The following RIMKLB variants were observed in gnomAD, a reference collection of about 807,000 sequenced individuals.
RIMKLB encodes beta-citrylglutamate synthase B.
Under a neutral mutation model 32.0 loss-of-function variants are expected in RIMKLB, and 7 were observed. The ratio of observed to expected loss-of-function variants is 0.22; its 90% CI spans 0.12 to 0.41. The LOEUF is 0.41. RIMKLB is among the 10% of genes least tolerant of loss of function. The pLI is 1.00. For synonymous variants in RIMKLB, 172 were observed against 185.1 expected, an observed-to-expected ratio of 0.93 and a Z score of 0.57; for missense variants, 289 against 498.7, an observed-to-expected ratio of 0.58 and a Z score of 4.00.
intron 1 of RIMKLB, among the ~76,000 whole-genome samples, chr12:8,702,688 C>T (rs1015902477): frequency 1.3e-5 from 2 of 152,138 alleles, no homozygotes; most frequent in African/African-American, 4.8e-5. Context: ...GCAGGGTTGC[C>T]CAAATAGCAA....
chr12:8,702,430 CAA>C (rs1285202835), intron 1 of RIMKLB, among the ~76,000 whole-genome samples: 1 of 152,196 alleles, frequency 6.6e-6, no homozygotes, highest in Non-Finnish European at 1.5e-5. Context: ...CAAGTTGTGA[CAA>C]AACAGATTCA....
chr12:8,776,088 G>GGTATAGAGA lies in RIMKLB; in HGVS notation c.*2304_*2305insGTATAGAGA. 1.0e-6 allele frequency: 1 copy of GGTATAGAGA among 984,602 alleles called. No homozygotes were observed. Among genetic ancestry groups the GGTATAGAGA allele is most frequent in the Non-Finnish European group, 1.2e-6 (1 of 829,184 alleles). The allele number at this position is 984,602 out of a possible 1,614,324, so 61.0% of individuals were successfully genotyped here. On this transcript the variant is annotated 3_prime_UTR_variant, in exon 6 of 6. Coordinates refer to ENST00000535829, the MANE Select transcript of RIMKLB (RefSeq NM_001297776.2). ...ATGTGTATTATGACACATACACTTTGAATAGTTACATATCACAAGTATGTA... is the reference window on the plus strand; with the variant it reads ...ATGTGTATTATGACACATACACTTTGGTATAGAGAAATAGTTACATATCACAAGTATGTA...
intron 2 of RIMKLB, among the ~76,000 whole-genome samples, chr12:8,733,773 C>T (rs1340533655): frequency 6.6e-6 from 1 of 152,160 alleles, no homozygotes; most frequent in Non-Finnish European, 1.5e-5. Flanking sequence ...GTCCTAGCTA[C>T]TCGGAGAGGC....
intron 5 of RIMKLB, among the ~76,000 whole-genome samples, chr12:8,768,126 C>T (rs920202038): frequency 3.3e-5 from 5 of 152,154 alleles, no homozygotes; most frequent in African/African-American, 1.2e-4. Flanking sequence ...TATTAGAAGC[C>T]ATGGGTCACG....
intron 3 of RIMKLB, among the ~76,000 whole-genome samples, chr12:8,750,897 A>T (rs185990712): frequency 6.6e-6 from 1 of 151,812 alleles, no homozygotes; most frequent in East Asian, 1.9e-4. Context: ...AGAGTTTTCC[A>T]TAAAGGTATT....
At chr12:8,705,856 T>C (rs1213896871) in intron 1 of RIMKLB, among the ~76,000 whole-genome samples, 1 of 152,186 alleles carries the variant, frequency 6.6e-6, no homozygotes, top group Non-Finnish European at 1.5e-5. Context: ...AGTCTGTCTA[T>C]AAGTCCTGAG....
chr12:8,686,542 C>G (rs763431938), intron 1 of RIMKLB, among the ~76,000 whole-genome samples: 4 of 151,728 alleles, frequency 2.6e-5, no homozygotes, highest in Admixed American at 2.6e-4. Context: ...TGCAGTGGCG[C>G]GATCTCGGCT....
At chr12:8,683,892 C>T (rs1465764119) in intron 1 of RIMKLB, among the ~76,000 whole-genome samples, 3 of 152,012 alleles carry the variant, frequency 2.0e-5, no homozygotes, top group African/African-American at 4.8e-5. Flanking sequence ...AACTTAAAGG[C>T]GCCTGCCACC....
rs760554986 is a variant in RIMKLB, at chr12:8,746,916, G to GT, written c.176-2939dup. Among the ~76,000 whole-genome samples the GT allele has an allele frequency of 2.4e-4, 36 of 152,142 alleles. 1 individual carries two copies. In the East Asian group the frequency reaches 5.4e-3, roughly 23 times the overall value. On this transcript the variant is annotated intron_variant, in intron 2 of 5. Transcript: ENST00000535829. ...CAACCACACCTGGCTAATTTTTTAA[G>GT]TTTTTTTGTAGAGACGTGGATCTCA... is the stretch of plus-strand genomic sequence containing the variant.
upstream of RIMKLB, among the ~76,000 whole-genome samples, chr12:8,694,960 C>T (rs1942841921): frequency 1.3e-5 from 2 of 152,306 alleles, no homozygotes; most frequent in South Asian, 4.1e-4. Context: ...CTGAGACTTA[C>T]TATGTTATGC....
At chr12:8,720,528 A>G (rs914454237) in intron 2 of RIMKLB, among the ~76,000 whole-genome samples, 2 of 152,154 alleles carry the variant, frequency 1.3e-5, no homozygotes, top group Admixed American at 6.6e-5. Flanking sequence ...CTTTGAGGGT[A>G]AAGTATCATT....
At chr12:8,717,057 C>CT (rs558195222) in intron 2 of RIMKLB, among the ~76,000 whole-genome samples, 1,527 of 124,926 alleles carry the variant, frequency 0.012, 28 homozygotes, top group African/African-American at 0.04. Flanking sequence ...GAGGGTTTTT[C>CT]TTTTTTTTTT....
intron 2 of RIMKLB, among the ~76,000 whole-genome samples, chr12:8,726,373 C>G (rs765055372): frequency 6.9e-4 from 105 of 152,076 alleles, no homozygotes; most frequent in Non-Finnish European, 1.4e-3. Flanking sequence ...GTCTTCTGCC[C>G]GTTTTTTTAG....
chr12:8,741,473 G>A (rs777492642), intron 2 of RIMKLB, among the ~76,000 whole-genome samples: 4 of 151,510 alleles, frequency 2.6e-5, no homozygotes, highest in African/African-American at 7.3e-5. Flanking sequence ...AGGGAGCGGC[G>A]CAAGGGTTAT....
At chr12:8,689,636 C>T (rs1490142217) in intron 1 of RIMKLB, among the ~76,000 whole-genome samples, 1 of 152,118 alleles carries the variant, frequency 6.6e-6, no homozygotes, top group African/African-American at 2.4e-5. Context: ...ATTAAAGTCT[C>T]CTTCACTTTT....
At position 8,776,325 on chromosome 12, in the gene RIMKLB, ATCT is replaced by A. The variant is rs1272462487; in HGVS notation, c.*2546_*2548del. On this transcript the variant is annotated 3_prime_UTR_variant, in exon 6 of 6. Coordinates refer to ENST00000535829, the MANE Select transcript of RIMKLB (RefSeq NM_001297776.2). ...TATCTTAGATTTTAAAAACATGGAT[ATCT>A]TCTTGAATTCCTTCAAGATTGAGGT... 6 of 978,992 alleles carry A rather than the reference ATCT, an allele frequency of 6.1e-6. No homozygotes were observed. The highest frequency in any genetic ancestry group is 1.1e-4 in the East Asian group (1 of 8,806). 60.6% of individuals were successfully genotyped at this position (978,992 alleles called of 1,614,324 possible).
intron 2 of RIMKLB, among the ~76,000 whole-genome samples, chr12:8,736,381 C>T (rs1351566873): frequency 1.3e-5 from 2 of 152,096 alleles, no homozygotes; most frequent in Non-Finnish European, 2.9e-5. Context: ...ATACAAATAG[C>T]TCGTATATAC....
chr12:8,711,533 T>A (rs958303768), intron 1 of RIMKLB, among the ~76,000 whole-genome samples: 6 of 151,696 alleles, frequency 4.0e-5, no homozygotes, highest in Non-Finnish European at 7.4e-5. Context: ...TTTTTTTTTT[T>A]ATTATTATAA....
At chr12:8,692,280 T>C (rs150141023), upstream of RIMKLB, among the ~76,000 whole-genome samples, 465 of 152,366 alleles carry the variant, frequency 3.1e-3, 6 homozygotes, top group South Asian at 0.029. Flanking sequence ...TTATAAATGT[T>C]GAGGGCTTTA....
Sources: gnomAD v4.1 joint callset for allele counts (sites outside exome capture counted in the v4.1 genomes callset) on GRCh38, gnomAD v4.1.1 for gene constraint, MANE v1.5 for transcripts, NCBI Gene and HGNC (gene_info 2026-07-23, HGNC 2026-07-21) for gene names.